Variants in ZNF644 observed in about 807,000 individuals in gnomAD.
ZNF644 encodes zinc finger protein 644.
ZNF644 carries 20 observed loss-of-function variants against 108.0 expected under a neutral mutation model. That is an observed-to-expected ratio of 0.19 (90% CI 0.13 to 0.27). The LOEUF (loss-of-function observed/expected upper bound fraction) is 0.27. ZNF644 is among the 10% of genes least tolerant of loss of function. The probability of loss-of-function intolerance (pLI) is 1.00; values close to 1 mark genes in which losing one functional copy is unlikely to be tolerated. For synonymous variants in ZNF644, 542 were observed against 539.1 expected, an observed-to-expected ratio of 1.01 and a Z score of -0.08; for missense variants, 1,338 against 1,548.9, an observed-to-expected ratio of 0.86 and a Z score of 2.29.
chr1:91,013,451 T>TCTCACA (rs748395054), intron 1 of ZNF644, among the ~76,000 whole-genome samples: 13 of 140,158 alleles, frequency 9.3e-5, no homozygotes, highest in African/African-American at 3.1e-4. Flanking sequence ...AATCTCTCTC[T>TCTCACA]CACACACACA....
chr1:90,916,486 C>T lies in ZNF644; in HGVS notation c.*312G>A. The T allele has an allele frequency of 3.5e-6, 1 of 282,472 alleles. No individual in the cohort carries two copies. The highest frequency in any genetic ancestry group is 6.7e-6 in the Non-Finnish European group (1 of 148,816). 17.5% of individuals were successfully genotyped at this position (282,472 alleles called of 1,614,324 possible). ...TAACACTGCAAAAAACATAATTGTCCAATAAGTCTGTCTATAAGTATCCAT... is the reference window on the plus strand; with the variant it reads ...TAACACTGCAAAAAACATAATTGTCTAATAAGTCTGTCTATAAGTATCCAT... On this transcript the variant is annotated 3_prime_UTR_variant, in exon 6 of 6. Coordinates refer to ENST00000337393, the MANE Select transcript of ZNF644 (RefSeq NM_201269.3).
intron 4 of ZNF644, among the ~76,000 whole-genome samples, chr1:90,928,588 A>G (rs902171033): frequency 2.0e-5 from 3 of 151,814 alleles, no homozygotes; most frequent in Admixed American, 6.6e-5. Flanking sequence ...CTCCCAAAGT[A>G]ATGGGATTAC....
intron 2 of ZNF644, among the ~76,000 whole-genome samples, chr1:90,949,061 C>T (rs1652815149): frequency 6.6e-6 from 1 of 151,912 alleles, no homozygotes; most frequent in Non-Finnish European, 1.5e-5. Context: ...CACTGATTTA[C>T]AATTTAATCT....
chr1:90,990,577 A>G (rs181600348), intron 1 of ZNF644, among the ~76,000 whole-genome samples: 164 of 152,270 alleles, frequency 1.1e-3, no homozygotes, highest in Non-Finnish European at 1.6e-3. Flanking sequence ...GTAATCCTTG[A>G]GTTGAGGAGA....
At chr1:90,927,606 C>T (rs1335268795) in intron 4 of ZNF644, among the ~76,000 whole-genome samples, 2 of 152,076 alleles carry the variant, frequency 1.3e-5, no homozygotes, top group Admixed American at 1.3e-4. Context: ...TAATTCGTTA[C>T]CTTGCTAATC....
intron 4 of ZNF644, among the ~76,000 whole-genome samples, chr1:90,936,903 T>C (rs1171016308): frequency 1.3e-5 from 2 of 152,200 alleles, no homozygotes; most frequent in East Asian, 1.9e-4. Context: ...ATATGTTTTA[T>C]GTTCACAACT....
At chr1:90,930,242 C>A (rs1650578479) in intron 4 of ZNF644, among the ~76,000 whole-genome samples, 1 of 152,128 alleles carries the variant, frequency 6.6e-6, no homozygotes, top group Non-Finnish European at 1.5e-5. Flanking sequence ...GCCGAGACTG[C>A]ACCATTGCAC....
intron 2 of ZNF644, among the ~76,000 whole-genome samples, chr1:90,977,509 A>G (rs1656131025): frequency 6.6e-6 from 1 of 152,220 alleles, no homozygotes; most frequent in South Asian, 2.1e-4. Flanking sequence ...GATATTTCAA[A>G]CCTTTGAGCA....
At chr1:91,016,975 G>A (rs1467411683) in intron 1 of ZNF644, among the ~76,000 whole-genome samples, 1 of 152,124 alleles carries the variant, frequency 6.6e-6, no homozygotes, top group Admixed American at 6.5e-5. Context: ...TGGGACTACA[G>A]GCACGTGCCA....
At chr1:90,929,506 G>A (rs1157285340) in intron 4 of ZNF644, among the ~76,000 whole-genome samples, 4 of 152,164 alleles carry the variant, frequency 2.6e-5, no homozygotes, top group Non-Finnish European at 5.9e-5. Context: ...CACTCTTTCA[G>A]TCTGAATGAA....
chr1:90,923,931 G>T (rs1360793725), intron 4 of ZNF644, among the ~76,000 whole-genome samples: 3 of 152,078 alleles, frequency 2.0e-5, no homozygotes, highest in Non-Finnish European at 4.4e-5. Flanking sequence ...TAAAGGAAAT[G>T]GAAGTAGCCT....
intron 4 of ZNF644, among the ~76,000 whole-genome samples, chr1:90,934,065 T>A (rs1651058620): frequency 6.6e-6 from 1 of 152,232 alleles, no homozygotes; most frequent in South Asian, 2.1e-4. Context: ...GTATAGTCTC[T>A]TATTTTTATT....
chr1:90,961,121 T>C (rs1190332868), intron 2 of ZNF644, among the ~76,000 whole-genome samples: 1 of 152,112 alleles, frequency 6.6e-6, no homozygotes, highest in Non-Finnish European at 1.5e-5. Flanking sequence ...GGTAAATCTA[T>C]ATAGCAAAAC....
At chr1:90,928,458 C>T (rs1198676772) in intron 4 of ZNF644, among the ~76,000 whole-genome samples, 1 of 151,692 alleles carries the variant, frequency 6.6e-6, no homozygotes, top group Non-Finnish European at 1.5e-5. Flanking sequence ...GCTGGGATTA[C>T]AGGCGCATAC....
At chr1:91,021,889 C>G in intron 1 of ZNF644, 101 bp downstream of exon 1, 2 of 398,926 alleles carry the variant, frequency 5.0e-6, no homozygotes, top group Non-Finnish European at 8.8e-6. Context: ...CCGGGTCCCC[C>G]AAGTTCTTCC....
At chr1:90,934,184 C>T (rs540322902) in intron 4 of ZNF644, among the ~76,000 whole-genome samples, 13 of 152,232 alleles carry the variant, frequency 8.5e-5, no homozygotes, top group African/African-American at 3.1e-4. Flanking sequence ...CTAAAACTCA[C>T]CCCACTCCTC....
intron 1 of ZNF644, among the ~76,000 whole-genome samples, chr1:91,002,772 T>C (rs1034968087): frequency 2.0e-5 from 3 of 152,074 alleles, no homozygotes; most frequent in African/African-American, 2.4e-5. Flanking sequence ...ATTTTTGCAA[T>C]TTACTCATCT....
intron 2 of ZNF644, among the ~76,000 whole-genome samples, chr1:90,974,968 T>C (rs1316762515): frequency 1.3e-5 from 2 of 152,172 alleles, no homozygotes; most frequent in African/African-American, 4.8e-5. Flanking sequence ...TCCAGCAATC[T>C]TCCCTTTCTG....
At chr1:90,967,256 CCATCG>C (rs1156434068) in intron 2 of ZNF644, among the ~76,000 whole-genome samples, 2 of 152,116 alleles carry the variant, frequency 1.3e-5, no homozygotes, top group African/African-American at 4.8e-5. Context: ...CCTCAGCCCT[CCATCG>C]CACAAATCTA....
Sources: gnomAD v4.1 joint callset for allele counts (sites outside exome capture counted in the v4.1 genomes callset) on GRCh38, gnomAD v4.1.1 for gene constraint, MANE v1.5 for transcripts, NCBI Gene and HGNC (gene_info 2026-07-23, HGNC 2026-07-21) for gene names.